Variants in BICD1 observed in about 807,000 individuals in gnomAD.
BICD1 encodes BICD cargo adaptor 1.
Under a neutral mutation model 92.5 loss-of-function variants are expected in BICD1, and 35 were observed. The observed-to-expected ratio is 0.38, with a 90% CI of 0.29 to 0.50. The LOEUF (loss-of-function observed/expected upper bound fraction) is 0.50, where lower values mean the gene tolerates loss of function less well. Ranked by LOEUF, BICD1 falls within the 20% of genes least tolerant of loss-of-function variation. The probability of loss-of-function intolerance (pLI) is 0.93; values close to 1 mark genes in which losing one functional copy is unlikely to be tolerated. For missense variants in BICD1, 950 were observed against 1,189.8 expected (o/e 0.80, Z 2.97); for synonymous variants, 429 against 465.1 (o/e 0.92, Z 1.00).
At chr12:32,350,454 G>A (rs1254536189) in intron 8 of BICD1, among the ~76,000 whole-genome samples, 1 of 152,182 alleles carries the variant, frequency 6.6e-6, no homozygotes, top group East Asian at 1.9e-4. Context: ...TCTAGCCTGG[G>A]TGACAGTGCC....
intron 1 of BICD1, among the ~76,000 whole-genome samples, chr12:32,132,859 G>A (rs1257542664): frequency 6.6e-6 from 1 of 152,154 alleles, no homozygotes; most frequent in East Asian, 1.9e-4. Context: ...AGCCAAGTTA[G>A]GAGGCTATTG....
At chr12:32,140,670 A>T (rs1942885816) in intron 1 of BICD1, among the ~76,000 whole-genome samples, 1 of 152,132 alleles carries the variant, frequency 6.6e-6, no homozygotes, top group Admixed American at 6.5e-5. Context: ...CGCGCACCGT[A>T]TTTGATTCTG....
chr12:32,232,547 A>T (rs1180900480), intron 2 of BICD1, among the ~76,000 whole-genome samples: 1 of 147,486 alleles, frequency 6.8e-6, no homozygotes, highest in Non-Finnish European at 1.5e-5. Flanking sequence ...TTGCCTGTTC[A>T]CTCTGATGGT....
At chr12:32,376,145 G>A (rs868380304) in intron 9 of BICD1, among the ~76,000 whole-genome samples, 2 of 149,574 alleles carry the variant, frequency 1.3e-5, no homozygotes, top group African/African-American at 5.0e-5. Context: ...GTACAGTGGC[G>A]CCATCTTGGC....
At chr12:32,127,021 G>A (rs1249779725) in intron 1 of BICD1, among the ~76,000 whole-genome samples, 5 of 152,108 alleles carry the variant, frequency 3.3e-5, no homozygotes. Flanking sequence ...ATTTGTAAGA[G>A]TATACACCTA....
At chr12:32,369,252 C>T (rs930125692) in intron 9 of BICD1, among the ~76,000 whole-genome samples, 1 of 152,236 alleles carries the variant, frequency 6.6e-6, no homozygotes, top group African/African-American at 2.4e-5. Flanking sequence ...AGGACCTCAC[C>T]TCCATCCTGG....
intron 7 of BICD1, 24 bp from the exon 8 acceptor site, chr12:32,338,762 T>C: frequency 6.4e-7 from 1 of 1,556,934 alleles, no homozygotes; most frequent in Non-Finnish European, 8.6e-7. Flanking sequence ...TTCCTATATG[T>C]ATTTTTCTTG....
intron 8 of BICD1, among the ~76,000 whole-genome samples, chr12:32,366,521 A>G (rs7304408): frequency 0.023 from 3,558 of 152,214 alleles, 134 homozygotes; most frequent in African/African-American, 0.08. Flanking sequence ...TGGGAGGCTG[A>G]GGCAGGAGAA....
At chr12:32,191,621 TATATA>T (rs1016189418) in intron 1 of BICD1, among the ~76,000 whole-genome samples, 13 of 128,652 alleles carry the variant, frequency 1.0e-4, no homozygotes, top group East Asian at 2.3e-4. Flanking sequence ...ACGTATATAA[TATATA>T]ATATATGTTA....
chr12:32,118,091 A>AT (rs1050742667), intron 1 of BICD1, among the ~76,000 whole-genome samples: 4 of 46,832 alleles, frequency 8.5e-5, no homozygotes, highest in African/African-American at 2.7e-4. Context: ...TATTTTATTT[A>AT]TTTTTTTTGA....
At chr12:32,171,940 TACACACACACACACAC>T (rs61038844) in intron 1 of BICD1, among the ~76,000 whole-genome samples, 34,839 of 140,954 alleles carry the variant, frequency 0.25, 4,425 homozygotes, top group African/African-American at 0.27. Flanking sequence ...TCTCAAAAAA[TACACACACACACACAC>T]ACACACACAC....
chr12:32,314,390 C>G (rs905518052), intron 4 of BICD1, among the ~76,000 whole-genome samples: 2 of 152,018 alleles, frequency 1.3e-5, no homozygotes, highest in African/African-American at 4.8e-5. Context: ...TTATCCCCAC[C>G]AGCAGTGTAT....
intron 1 of BICD1, among the ~76,000 whole-genome samples, chr12:32,188,942 C>A (rs1022526366): frequency 6.6e-6 from 1 of 152,154 alleles, no homozygotes; most frequent in Non-Finnish European, 1.5e-5. Context: ...GTTGGCCAGG[C>A]TGGTGCATCC....
chr12:32,301,630 C>T (rs1289933915), intron 3 of BICD1, among the ~76,000 whole-genome samples: 1 of 149,120 alleles, frequency 6.7e-6, no homozygotes, highest in African/African-American at 2.5e-5. Context: ...AAAAAAAAAG[C>T]CAAGCATGGA....
chr12:32,114,900 G>A (rs1266258307), intron 1 of BICD1, among the ~76,000 whole-genome samples: 1 of 152,212 alleles, frequency 6.6e-6, no homozygotes, highest in Non-Finnish European at 1.5e-5. Context: ...ACCATTTAGG[G>A]TTATGGGGGC....
intron 2 of BICD1, among the ~76,000 whole-genome samples, chr12:32,283,127 G>A (rs1406961687): frequency 1.5e-5 from 2 of 130,570 alleles, no homozygotes; most frequent in East Asian, 2.3e-4. Flanking sequence ...TTTCAGGGAG[G>A]GAAGATGGAC....
At chr12:32,193,583 T>C (rs953368440) in intron 1 of BICD1, among the ~76,000 whole-genome samples, 1 of 152,204 alleles carries the variant, frequency 6.6e-6, no homozygotes, top group Admixed American at 6.5e-5. Flanking sequence ...TGAATAATTG[T>C]ATGCCTACAA....
intron 4 of BICD1, among the ~76,000 whole-genome samples, chr12:32,317,854 T>G (rs9668328): frequency 0.74 from 111,456 of 150,470 alleles, 41,662 homozygotes; most frequent in Middle Eastern, 0.91. Flanking sequence ...GGTCTAACAT[T>G]TAAGTCTTTA....
At chr12:32,265,093 C>G (rs1323621356) in intron 2 of BICD1, among the ~76,000 whole-genome samples, 1 of 151,944 alleles carries the variant, frequency 6.6e-6, no homozygotes, top group Non-Finnish European at 1.5e-5. Context: ...CTCCACGAGG[C>G]CTCTGGGGTC....
Sources: gnomAD v4.1 joint callset for allele counts (sites outside exome capture counted in the v4.1 genomes callset) on GRCh38, gnomAD v4.1.1 for gene constraint, MANE v1.5 for transcripts, NCBI Gene and HGNC (gene_info 2026-07-23, HGNC 2026-07-21) for gene names.